E2F7: variants seen among roughly 807,000 people sequenced by gnomAD.
E2F7 encodes the protein E2F transcription factor 7, also known as transcription factor E2F7.
E2F7 carries 35 observed loss-of-function variants against 81.1 expected under a neutral mutation model. The observed-to-expected ratio is 0.43, with a 90% CI of 0.33 to 0.57. The LOEUF (loss-of-function observed/expected upper bound fraction) is 0.57. Ranked by LOEUF, E2F7 falls within the 20% of genes least tolerant of loss-of-function variation. E2F7 has a pLI of 0.04. For synonymous variants in E2F7, 416 were observed against 416.2 expected, an observed-to-expected ratio of 1.00 and a Z score of 0.01; for missense variants, 961 against 1,093.7, an observed-to-expected ratio of 0.88 and a Z score of 1.71.
At position 77,028,696 on chromosome 12, in the gene E2F7, G is replaced by A. The variant is rs1274059648; in HGVS notation, c.1885-558C>T. ...TCACTGTTTCAGCCAGGATGGTCTC[G>A]ATTTCCTGACCCGGTGATCCGCCCG... is the stretch of plus-strand genomic sequence containing the variant. On this transcript the variant is annotated intron_variant, in intron 10 of 12. Transcript: ENST00000322886. Among the ~76,000 whole-genome samples the A allele has an allele frequency of 5.3e-5, 8 of 151,854 alleles. No homozygotes were observed. The East Asian group carries it at 1.5e-3, about 29-fold the overall frequency.
chr12:77,026,277 A>G (rs1489763550), intron 11 of E2F7, among the ~76,000 whole-genome samples: 3 of 152,120 alleles, frequency 2.0e-5, no homozygotes, highest in African/African-American at 7.2e-5. Context: ...GAAAGATTAC[A>G]TCTTTATTTT....
intron 3 of E2F7, among the ~76,000 whole-genome samples, chr12:77,054,729 G>A (rs1306353904): frequency 2.6e-5 from 4 of 152,216 alleles, no homozygotes; most frequent in Admixed American, 6.5e-5. Context: ...GGTCACTAAC[G>A]ATTCCCATTG....
rs757368691 is a variant in E2F7, at chr12:77,030,265, G to A, written c.1450C>T (p.Pro484Ser). The A allele has an allele frequency of 2.5e-6, 4 of 1,608,070 alleles. No homozygotes were observed. Among genetic ancestry groups the A allele is most frequent in the African/African-American group, 2.7e-5 (2 of 74,848 alleles). Residue 484 changes from proline (P) to serine (S), a missense_variant, in exon 10 of 13, where the codon CCT becomes TCT. This residue lies in a region of E2F7 where 587 missense variants were observed against 620.3 expected (regional missense o/e 0.95). Coordinates refer to ENST00000322886, the MANE Select transcript of E2F7 (RefSeq NM_203394.3). Reference sequence around the variant, plus strand: ...TATTCTGGGTCAACAGAGAGGACAGGGAAAGGAGCAACAGGGTCCAAGCTG... The same window carrying A: ...TATTCTGGGTCAACAGAGAGGACAGAGAAAGGAGCAACAGGGTCCAAGCTG... ...SSSLDPVAPF[P>S]VLSVDPEYCV...
intron 7 of E2F7, among the ~76,000 whole-genome samples, chr12:77,035,183 G>A (rs1334478204): frequency 2.0e-5 from 3 of 152,184 alleles, no homozygotes; most frequent in African/African-American, 7.2e-5. Context: ...GACCTAGACA[G>A]AGACTGTAGG....
At chr12:77,055,036 A>G (rs918180954) in intron 3 of E2F7, among the ~76,000 whole-genome samples, 9 of 152,158 alleles carry the variant, frequency 5.9e-5, no homozygotes, top group Non-Finnish European at 8.8e-5. Context: ...AGACTTAAAA[A>G]AAGGAATTGT....
chr12:77,062,498 T>A (rs1376700053), intron 2 of E2F7, among the ~76,000 whole-genome samples: 3 of 152,218 alleles, frequency 2.0e-5, no homozygotes, highest in African/African-American at 7.2e-5. Context: ...CACCCTGTTC[T>A]CATCTCTTGC....
Position 77,021,260 on chromosome 12 carries a change from T to C in E2F7, c.*2755A>G, listed in dbSNP as rs1470698271. ...CAACCACCATCTCTTCTTAAATGAA[T>C]TATTTTTTATTGCTATTTTATAAAG... On this transcript the variant is annotated 3_prime_UTR_variant, in exon 13 of 13. Coordinates refer to ENST00000322886, the MANE Select transcript of E2F7 (RefSeq NM_203394.3). The C allele has an allele frequency of 6.6e-6, 1 of 152,628 alleles. No individual in the cohort carries two copies. The highest frequency in any genetic ancestry group is 1.5e-5 in the Non-Finnish European group (1 of 68,028). The allele number at this position is 152,628 out of a possible 1,614,324, so 9.5% of individuals were successfully genotyped here.
chr12:77,030,098 T>C lies in E2F7; in HGVS notation c.1617A>G (p.Ala539=). ...AASAVESLKP[A]LLAGQPLVYV... ...ACACTAGAGGCTGGCCAGCAAGGAG[T>C]GCTGGCTTCAGGCTCTCCACAGCAG... The change falls in exon 10 of 13, where the codon GCA becomes GCG. Residue 539 remains alanine (A), a synonymous_variant. Coordinates refer to ENST00000322886, the MANE Select transcript of E2F7 (RefSeq NM_203394.3). 6.2e-7 allele frequency: 1 copy of C among 1,613,774 alleles called. No individual in the cohort carries two copies. Among genetic ancestry groups the C allele is most frequent in the Non-Finnish European group, 8.5e-7 (1 of 1,179,950 alleles).
chr12:77,024,320 C>A, intron 12 of E2F7, 135 bp from the exon 13 acceptor site: 2 of 951,212 alleles, frequency 2.1e-6, no homozygotes, highest in South Asian at 3.7e-5. Context: ...TCTTATCACA[C>A]TTACCCCGTT....
chr12:77,034,334 A>C (rs1332146751), intron 7 of E2F7, among the ~76,000 whole-genome samples: 1 of 152,266 alleles, frequency 6.6e-6, no homozygotes, highest in African/African-American at 2.4e-5. Flanking sequence ...AACCCGAATT[A>C]GAATGAGCCT....
intron 11 of E2F7, 54 bp from the exon 12 acceptor site, chr12:77,026,036 A>T (rs1337163008): frequency 6.6e-7 from 1 of 1,509,818 alleles, no homozygotes; most frequent in Non-Finnish European, 8.9e-7. Flanking sequence ...TGAGGATATC[A>T]TTCAAGCTCA....
chr12:77,064,743 T>A, intron 1 of E2F7, 108 bp from the exon 2 acceptor site: 1 of 918,924 alleles, frequency 1.1e-6, no homozygotes, highest in Non-Finnish European at 1.7e-6. Flanking sequence ...AATTCCCCCT[T>A]CTCTAAGCAC....
At chr12:77,063,881 T>C (rs1322167664) in intron 2 of E2F7, among the ~76,000 whole-genome samples, 1 of 152,246 alleles carries the variant, frequency 6.6e-6, no homozygotes, top group Non-Finnish European at 1.5e-5. Flanking sequence ...TTGTTATTTC[T>C]ATTTGCCTGT....
chr12:77,053,267 G>A (rs139368224), intron 3 of E2F7, among the ~76,000 whole-genome samples: 2,093 of 152,264 alleles, frequency 0.014, 45 homozygotes, highest in African/African-American at 0.047. Flanking sequence ...TTGATAGTTA[G>A]CATGTTAGAA....
At position 77,025,790 on chromosome 12, in the gene E2F7, G is replaced by A. The variant is rs1954753087; in HGVS notation, c.2333C>T (p.Thr778Ile). The A allele has an allele frequency of 7.4e-6, 12 of 1,614,154 alleles. No individual in the cohort carries two copies. Among genetic ancestry groups the A allele is most frequent in the Non-Finnish European group, 1.0e-5 (12 of 1,180,044 alleles). ...VSSTLGALPNTGPVNFSLPGL... is the reference protein window; with the variant it reads ...VSSTLGALPNIGPVNFSLPGL... ...AGGCAAGCTGAAATTCACAGGTCCT[G>A]TGTTTGGGAGAGCACCAAGAGTAGA... Residue 778 changes from threonine to isoleucine, a missense_variant, in exon 12 of 13, where the codon ACA (threonine) becomes ATA (isoleucine). Physicochemically the swap from Thr to Ile is moderately conservative, Grantham distance 89. Around this residue, in one of 3 missense-constraint regions of E2F7, gnomAD observed 587 missense variants for 620.3 expected, o/e 0.95. Transcript: ENST00000322886.
intron 3 of E2F7, among the ~76,000 whole-genome samples, chr12:77,052,268 A>C (rs1954996224): frequency 6.6e-6 from 1 of 152,214 alleles, no homozygotes; most frequent in South Asian, 2.1e-4. Flanking sequence ...GGAAGAACAA[A>C]CAGCCCAGAG....
In E2F7 at chr12:77,065,556, C is replaced by T. The variant is rs1352929246; in HGVS notation, c.-212G>A. On this transcript the variant is annotated 5_prime_UTR_variant, in exon 1 of 13. Transcript: ENST00000322886. ...TCAGACCGGCCGAGCGCAACTCCAG[C>T]CTGGATCGTAGTCCCCGCTAAAACA... The T allele has an allele frequency of 6.6e-6, 1 of 152,376 alleles. No individual in the cohort carries two copies. Among genetic ancestry groups the T allele is most frequent in the Non-Finnish European group, 1.5e-5 (1 of 68,190 alleles). 9.4% of individuals were successfully genotyped at this position (152,376 alleles called of 1,614,324 possible). A position where few individuals can be genotyped will look rare whatever the true frequency, so the allele number is the denominator to read the frequency against.
At chr12:77,029,441 C>T (rs1391971149) in intron 10 of E2F7, among the ~76,000 whole-genome samples, 1 of 152,200 alleles carries the variant, frequency 6.6e-6, no homozygotes, top group Non-Finnish European at 1.5e-5. Context: ...ACAGCACCCA[C>T]ATTCCTCCCT....
chr12:77,045,278 T>C (rs1030225382), intron 5 of E2F7, among the ~76,000 whole-genome samples: 4 of 152,158 alleles, frequency 2.6e-5, no homozygotes, highest in African/African-American at 9.7e-5. Context: ...TTCAGAAATA[T>C]GTGAATAAAT....
Sources: gnomAD v4.1 joint callset for allele counts (sites outside exome capture counted in the v4.1 genomes callset) on GRCh38, gnomAD v4.1.1 for gene constraint, gnomAD v4.1.1 regional missense constraint, MANE v1.5 for transcripts, NCBI Gene and HGNC (gene_info 2026-07-23, HGNC 2026-07-21) for gene names.